Variants in CLSTN1 observed in about 807,000 individuals in gnomAD.
CLSTN1 encodes calsyntenin 1.
A neutral mutation model predicts 108.3 loss-of-function variants in CLSTN1; 28 were observed. The observed-to-expected ratio is 0.26, with a 90% confidence interval of 0.19 to 0.35. The LOEUF (loss-of-function observed/expected upper bound fraction) is 0.35. CLSTN1 is among the 10% of genes least tolerant of loss of function. The pLI is 1.00. For synonymous variants in CLSTN1, 524 were observed against 534.9 expected, an observed-to-expected ratio of 0.98 and a Z score of 0.28; for missense variants, 1,157 against 1,302.6, an observed-to-expected ratio of 0.89 and a Z score of 1.72.
At chr1:9,806,223 G>A (rs1220419) in intron 1 of CLSTN1, among the ~76,000 whole-genome samples, 122,175 of 151,174 alleles carry the variant, frequency 0.81, 51,094 homozygotes, top group Non-Finnish European at 0.92. Context: ...CCAGGGCAGG[G>A]GGGGTGGAGG....
chr1:9,743,111 T>C (rs1249906419), intron 9 of CLSTN1, among the ~76,000 whole-genome samples: 1 of 152,218 alleles, frequency 6.6e-6, no homozygotes, highest in Non-Finnish European at 1.5e-5. Flanking sequence ...AATAAAATGA[T>C]GATAAGGCCA....
At chr1:9,817,357 T>C (rs1017044136) in intron 1 of CLSTN1, among the ~76,000 whole-genome samples, 1 of 152,194 alleles carries the variant, frequency 6.6e-6, no homozygotes, top group Non-Finnish European at 1.5e-5. Flanking sequence ...GACGGAGTTT[T>C]GCTCTTGTTG....
intron 1 of CLSTN1, among the ~76,000 whole-genome samples, chr1:9,777,515 T>A (rs182439695): frequency 6.6e-6 from 1 of 152,192 alleles, no homozygotes; most frequent in Non-Finnish European, 1.5e-5. Context: ...AGAGCGAGAC[T>A]ATGTCTCAAA....
intron 7 of CLSTN1, among the ~76,000 whole-genome samples, chr1:9,745,004 G>A (rs907676034): frequency 2.0e-5 from 3 of 152,010 alleles, no homozygotes; most frequent in African/African-American, 4.8e-5. Context: ...CGCCTGACTC[G>A]GCCTCCAAAA....
chr1:9,758,368 C>T (rs1404904110), intron 2 of CLSTN1, among the ~76,000 whole-genome samples: 2 of 151,382 alleles, frequency 1.3e-5, no homozygotes, highest in Non-Finnish European at 2.9e-5. Context: ...GGCTGGAGTA[C>T]AGTGGTAGCA....
intron 1 of CLSTN1, among the ~76,000 whole-genome samples, chr1:9,794,915 A>G (rs74980902): frequency 6.6e-6 from 1 of 151,402 alleles, no homozygotes; most frequent in Non-Finnish European, 1.5e-5. Flanking sequence ...CACAGTATTC[A>G]AGGCCTGATG....
At chr1:9,781,908 A>C (rs1653269932) in intron 1 of CLSTN1, among the ~76,000 whole-genome samples, 1 of 152,110 alleles carries the variant, frequency 6.6e-6, no homozygotes, top group African/African-American at 2.4e-5. Context: ...AGTAGTTGTG[A>C]CTTGTTGACA....
chr1:9,776,130 G>A (rs913358388), intron 1 of CLSTN1, among the ~76,000 whole-genome samples: 6 of 151,964 alleles, frequency 3.9e-5, no homozygotes, highest in Non-Finnish European at 5.9e-5. Context: ...TCACCACCAC[G>A]CTCAGTTTCT....
At chr1:9,799,475 A>G (rs1654157019) in intron 1 of CLSTN1, among the ~76,000 whole-genome samples, 1 of 151,910 alleles carries the variant, frequency 6.6e-6, no homozygotes, top group African/African-American at 2.4e-5. Flanking sequence ...CCCCGTCTCT[A>G]CTAAAAATAC....
intron 10 of CLSTN1, among the ~76,000 whole-genome samples, chr1:9,738,716 G>C (rs1570437917): frequency 6.6e-6 from 1 of 152,216 alleles, no homozygotes; most frequent in Non-Finnish European, 1.5e-5. Flanking sequence ...GTGCAGTGGT[G>C]TGATCTTGGC....
intron 1 of CLSTN1, among the ~76,000 whole-genome samples, chr1:9,820,649 T>C (rs1570533801): frequency 6.6e-6 from 1 of 152,340 alleles, no homozygotes; most frequent in East Asian, 1.9e-4. Flanking sequence ...TGAAATGCTG[T>C]TATCCATCCA....
intron 1 of CLSTN1, among the ~76,000 whole-genome samples, chr1:9,787,040 G>A (rs1036321368): frequency 7.9e-5 from 12 of 151,288 alleles, no homozygotes; most frequent in East Asian, 2.0e-4. Context: ...GTGAAGAGGT[G>A]GCTGCAGGGG....
chr1:9,813,191 A>G (rs757339810), intron 1 of CLSTN1, among the ~76,000 whole-genome samples: 1 of 151,810 alleles, frequency 6.6e-6, no homozygotes, highest in Non-Finnish European at 1.5e-5. Flanking sequence ...ACCTGTTGCC[A>G]TCTTGATATT....
chr1:9,806,854 G>A (rs199634343), intron 1 of CLSTN1, among the ~76,000 whole-genome samples: 2 of 152,092 alleles, frequency 1.3e-5, no homozygotes. Flanking sequence ...ACTCCAGCCT[G>A]GGCAACAGAG....
At chr1:9,810,052 AAG>A (rs1279003803) in intron 1 of CLSTN1, among the ~76,000 whole-genome samples, 8 of 66,696 alleles carry the variant, frequency 1.2e-4, no homozygotes, top group African/African-American at 4.6e-4. Flanking sequence ...GAGAGAGAGA[AAG>A]AGAGAGAAAG....
Position 9,744,404 on chromosome 1 carries a change from C to G in CLSTN1, c.1225G>C (p.Asp409His), listed in dbSNP as rs1651143405. 1 of 1,608,776 alleles carries G rather than the reference C, an allele frequency of 6.2e-7. No homozygotes were observed. Among genetic ancestry groups the G allele is most frequent in the South Asian group, 1.1e-5 (1 of 90,980 alleles). The change falls in exon 8 of 19, where the codon GAT becomes CAT. Residue 409 changes from aspartate (D) to histidine (H), a missense_variant. Coordinates refer to ENST00000377298, the MANE Select transcript of CLSTN1 (RefSeq NM_001009566.3). ...AGAGCTATTACCCTACCTGTTTTATCAGAACTGCAAAGAATTGTCTCCTTC... is the reference window on the plus strand; with the variant it reads ...AGAGCTATTACCCTACCTGTTTTATGAGAACTGCAAAGAATTGTCTCCTTC... Reference protein sequence around the residue: ...RKKETILCSSDKTDMNRHHYS... With the variant: ...RKKETILCSSHKTDMNRHHYS...
rs563975016 is a variant in CLSTN1 at position 9,795,957 on chromosome 1, C to T, written c.92-22563G>A. Among the ~76,000 whole-genome samples, 105 of 49,630 alleles carry T rather than the reference C, an allele frequency of 2.1e-3. 2 individuals carry two copies. The Middle Eastern group carries it at 0.068, about 32-fold the overall frequency. The allele number at this position is 49,630 out of a possible 152,430, so 32.6% of individuals were successfully genotyped here. ...GCAACAGAACAAGACCCTGTCCCCA[C>T]CTCCAAAAAAAAAAAAAAAATCTGA... On this transcript the variant is annotated intron_variant, in intron 1 of 18. Coordinates refer to ENST00000377298, the MANE Select transcript of CLSTN1 (RefSeq NM_001009566.3).
chr1:9,788,034 C>T (rs1384293607), intron 1 of CLSTN1, among the ~76,000 whole-genome samples: 1 of 151,322 alleles, frequency 6.6e-6, no homozygotes, highest in Non-Finnish European at 1.5e-5. Flanking sequence ...GAAGGTGGAT[C>T]GCTTGAGTTC....
intron 9 of CLSTN1, among the ~76,000 whole-genome samples, chr1:9,743,134 T>G (rs771737292): frequency 1.3e-5 from 2 of 152,232 alleles, no homozygotes; most frequent in Non-Finnish European, 2.9e-5. Flanking sequence ...GGTTTCCTTC[T>G]CATCCCAACT....
Sources: gnomAD v4.1 joint callset for allele counts (sites outside exome capture counted in the v4.1 genomes callset) on GRCh38, gnomAD v4.1.1 for gene constraint, MANE v1.5 for transcripts, NCBI Gene and HGNC (gene_info 2026-07-23, HGNC 2026-07-21) for gene names.